The following ERC2 variants were observed in gnomAD, a reference collection of about 807,000 sequenced individuals.
ERC2 encodes ELKS/RAB6-interacting/CAST family member 2.
A neutral mutation model predicts 114.8 loss-of-function variants in ERC2; 42 were observed. The ratio of observed to expected loss-of-function variants is 0.37; its 90% CI spans 0.29 to 0.47. ERC2 has a LOEUF of 0.47. ERC2 is among the 20% of genes least tolerant of loss of function. The pLI is 0.99. For synonymous variants in ERC2, 454 were observed against 425.5 expected, an observed-to-expected ratio of 1.07 and a Z score of -0.82; for missense variants, 939 against 1,150.7, an observed-to-expected ratio of 0.82 and a Z score of 2.66.
chr3:56,458,783 G>GA (rs2063179626), intron 1 of ERC2, among the ~76,000 whole-genome samples: 1 of 152,096 alleles, frequency 6.6e-6, no homozygotes, highest in Non-Finnish European at 1.5e-5. Flanking sequence ...AGAAGGGAAG[G>GA]AAAAACATAC....
At chr3:55,531,704 C>T (rs779573323) in intron 17 of ERC2, among the ~76,000 whole-genome samples, 1 of 152,212 alleles carries the variant, frequency 6.6e-6, no homozygotes, top group Non-Finnish European at 1.5e-5. Flanking sequence ...GAACCCTCAG[C>T]CAGGCCCAGG....
At chr3:56,264,700 G>C (rs1375025356) in intron 3 of ERC2, among the ~76,000 whole-genome samples, 1 of 150,732 alleles carries the variant, frequency 6.6e-6, no homozygotes, top group Non-Finnish European at 1.5e-5. Flanking sequence ...CCTACATGTA[G>C]AAAGCCCTAT....
intron 2 of ERC2, among the ~76,000 whole-genome samples, chr3:56,311,245 CTCTCTCTCTCTATATATA>C (rs2056539125): frequency 3.8e-5 from 1 of 26,102 alleles, no homozygotes; most frequent in African/African-American, 1.0e-4. Flanking sequence ...CTCTCTCTCT[CTCTCTCTCTCTATATATA>C]TATATATATA....
intron 14 of ERC2, among the ~76,000 whole-genome samples, chr3:55,860,150 A>ATATG (rs1209356999): frequency 6.6e-6 from 1 of 152,144 alleles, no homozygotes; most frequent in African/African-American, 2.4e-5. Context: ...CAGTGATGTT[A>ATATG]TAACCTTGTT....
At chr3:55,877,318 G>T (rs2062899981) in intron 14 of ERC2, among the ~76,000 whole-genome samples, 1 of 152,028 alleles carries the variant, frequency 6.6e-6, no homozygotes, top group African/African-American at 2.4e-5. Context: ...AGGCCTCAGA[G>T]AATCACTGAA....
chr3:55,829,922 G>A (rs2060498265), intron 14 of ERC2, among the ~76,000 whole-genome samples: 5 of 152,138 alleles, frequency 3.3e-5, no homozygotes, highest in Admixed American at 3.3e-4. Flanking sequence ...TGAAACTTCT[G>A]AAATTTGGTA....
chr3:55,803,756 G>T (rs2059391265), intron 14 of ERC2, among the ~76,000 whole-genome samples: 1 of 152,148 alleles, frequency 6.6e-6, no homozygotes, highest in African/African-American at 2.4e-5. Context: ...TTCATTTTGA[G>T]AACAGATGTT....
intron 6 of ERC2, among the ~76,000 whole-genome samples, chr3:56,134,512 TG>T (rs1226802023): frequency 2.6e-5 from 4 of 152,168 alleles, no homozygotes; most frequent in Non-Finnish European, 5.9e-5. Context: ...ATAAACTACC[TG>T]AAATTATATA....
intron 14 of ERC2, among the ~76,000 whole-genome samples, chr3:55,774,549 G>T (rs1017474325): frequency 6.6e-6 from 1 of 152,226 alleles, no homozygotes; most frequent in Non-Finnish European, 1.5e-5. Flanking sequence ...CAAAGACCTG[G>T]TTTACAAAAG....
chr3:55,809,337 G>A (rs1227500699), intron 14 of ERC2, among the ~76,000 whole-genome samples: 1 of 152,098 alleles, frequency 6.6e-6, no homozygotes, highest in Non-Finnish European at 1.5e-5. Flanking sequence ...AGGATTATAT[G>A]GCTAGTATCT....
intron 2 of ERC2, among the ~76,000 whole-genome samples, chr3:56,408,706 G>A (rs1028511322): frequency 3.3e-5 from 5 of 152,200 alleles, no homozygotes; most frequent in South Asian, 2.1e-4. Context: ...TAAGTGTGGC[G>A]AAAGAACTAA....
intron 14 of ERC2, among the ~76,000 whole-genome samples, chr3:55,861,119 G>A (rs979621041): frequency 7.2e-5 from 11 of 152,308 alleles, no homozygotes; most frequent in Admixed American, 6.5e-4. Flanking sequence ...TTTCTTTCAT[G>A]CATTTTGAAA....
chr3:55,645,837 G>A (rs2148664944), intron 17 of ERC2, among the ~76,000 whole-genome samples: 1 of 152,234 alleles, frequency 6.6e-6, no homozygotes, highest in Middle Eastern at 3.4e-3. Flanking sequence ...TTTCGGATAA[G>A]GGAAAACCAA....
At chr3:56,239,407 A>G (rs1576018454) in intron 3 of ERC2, among the ~76,000 whole-genome samples, 1 of 152,096 alleles carries the variant, frequency 6.6e-6, no homozygotes, top group East Asian at 1.9e-4. Context: ...TCTGGAGGCT[A>G]AGGCAGGAGA....
rs116226950 is a variant in ERC2 at position 56,168,639 on chromosome 3, C to T, written c.1149+4807G>A. On this transcript the variant is annotated intron_variant, in intron 4 of 17. Transcript: ENST00000288221. ...AGTTATATGAAACTTGGTAAAGTTGCGAAGTAGTAGTTCTTGACTTCACAG... is the reference window on the plus strand; with the variant it reads ...AGTTATATGAAACTTGGTAAAGTTGTGAAGTAGTAGTTCTTGACTTCACAG... 5.2e-3 allele frequency among the ~76,000 whole-genome samples: 786 copies of T among 152,182 alleles called. 4 individuals are homozygous for T. The highest frequency in any genetic ancestry group is 0.018 in the African/African-American group (755 of 41,516).
At chr3:56,037,095 TAATC>T (rs1395309451) in intron 7 of ERC2, among the ~76,000 whole-genome samples, 1 of 152,072 alleles carries the variant, frequency 6.6e-6, no homozygotes, top group African/African-American at 2.4e-5. Context: ...AGATGAGAAA[TAATC>T]AACACAAAAA....
intron 15 of ERC2, among the ~76,000 whole-genome samples, chr3:55,725,524 C>T (rs1183952756): frequency 1.3e-5 from 2 of 152,140 alleles, no homozygotes; most frequent in Admixed American, 6.6e-5. Flanking sequence ...AAAAAAATAG[C>T]ACTTTGTCCT....
intron 17 of ERC2, among the ~76,000 whole-genome samples, chr3:55,603,357 G>A (rs1257128695): frequency 6.6e-6 from 1 of 152,190 alleles, no homozygotes. Context: ...CCGCAGCCGG[G>A]TGCGGTGGCT....
chr3:55,890,838 A>G (rs974484016), intron 13 of ERC2, among the ~76,000 whole-genome samples: 1 of 152,176 alleles, frequency 6.6e-6, no homozygotes. Flanking sequence ...GTGGCCCTGG[A>G]CCGAGGACCA....
Sources: allele counts gnomAD v4.1 joint callset (sites outside exome capture counted in the v4.1 genomes callset), GRCh38; gene constraint gnomAD v4.1.1; transcripts MANE v1.5; gene names NCBI Gene and HGNC (gene_info 2026-07-23, HGNC 2026-07-21).